The following IGSF10 variants were observed in gnomAD, a reference collection of about 807,000 sequenced individuals.
The protein encoded by IGSF10 is calvaria mechanical force protein 608.
In IGSF10, 126 loss-of-function variants were observed where a neutral mutation model predicts 128.2. That is an observed-to-expected ratio of 0.98 (90% CI 0.85 to 1.14). The LOEUF (loss-of-function observed/expected upper bound fraction) is 1.14. Among genes scored for constraint, IGSF10 ranks in the 50% most tolerant of loss-of-function variants. IGSF10 has a pLI of 0.00. For synonymous variants in IGSF10, 1,185 were observed against 1,146.2 expected, an observed-to-expected ratio of 1.03 and a Z score of -0.68; for missense variants, 3,295 against 3,149.8, an observed-to-expected ratio of 1.05 and a Z score of -1.10.
chr3:151,613,741 A>G, the IGSF10 span, among the ~76,000 whole-genome samples: 1 of 152,004 alleles, frequency 6.6e-6, no homozygotes, highest in South Asian at 2.1e-4. Context: ...AACTTAGGCA[A>G]TACCATTCAG....
chr3:151,614,725 G>A, the IGSF10 span, among the ~76,000 whole-genome samples: 37 of 152,056 alleles, frequency 2.4e-4, 1 homozygote, highest in Admixed American at 2.4e-3. Context: ...AATGCTAAAT[G>A]ACAAGTTAAT....
In IGSF10 at chr3:151,446,159, C is replaced by T. The variant is rs200804011; in HGVS notation, c.3822G>A (p.Thr1274=). 25 of 1,613,922 alleles carry T rather than the reference C, an allele frequency of 1.5e-5. No homozygotes were observed. In the South Asian group the frequency reaches 2.0e-4, roughly 13 times the overall value. Residue 1274 remains threonine (T), a synonymous_variant, in exon 6 of 8, where the codon ACG becomes ACA. Transcript: ENST00000282466. ...GACTTCCAGGATTGTGTGTTTTGGT[C>T]GTAGTGTGGTGAGCGGTAGTCAAGG... ...SNTLTTAHHT[T]TKTHNPGSLP...
the IGSF10 span, among the ~76,000 whole-genome samples, chr3:151,569,947 T>C: frequency 6.7e-6 from 1 of 148,432 alleles, no homozygotes; most frequent in Non-Finnish European, 1.5e-5. Flanking sequence ...AGTGTTCTCA[T>C]TGTTCAATTC....
chr3:151,532,223 C>T, the IGSF10 span, among the ~76,000 whole-genome samples: 9 of 147,170 alleles, frequency 6.1e-5, no homozygotes, highest in Middle Eastern at 3.5e-3. Flanking sequence ...CAAGGCCAGA[C>T]GGATTCACAG....
At chr3:151,582,007 A>G in the IGSF10 span, among the ~76,000 whole-genome samples, 1 of 152,154 alleles carries the variant, frequency 6.6e-6, no homozygotes. Flanking sequence ...CAGAGGTTGC[A>G]GTGTGCCTAC....
the IGSF10 span, among the ~76,000 whole-genome samples, chr3:151,491,582 GACAA>G: frequency 1.2e-4 from 19 of 152,080 alleles, no homozygotes; most frequent in Non-Finnish European, 2.5e-4. Context: ...AGTTACAATA[GACAA>G]ACAAACAAAC....
the IGSF10 span, among the ~76,000 whole-genome samples, chr3:151,617,320 C>CTTCTTCTTCTCCT: frequency 3.6e-3 from 302 of 83,626 alleles, 26 homozygotes; most frequent in Admixed American, 0.027. Flanking sequence ...CTTCTTCTTC[C>CTTCTTCTTCTCCT]CCTCCTCCTC....
At chr3:151,467,203 C>A in the IGSF10 span, among the ~76,000 whole-genome samples, 1 of 152,146 alleles carries the variant, frequency 6.6e-6, no homozygotes, top group Non-Finnish European at 1.5e-5. Context: ...CCATTTCTGC[C>A]TATATACTGA....
the IGSF10 span, among the ~76,000 whole-genome samples, chr3:151,535,087 A>C: frequency 6.6e-6 from 1 of 152,188 alleles, no homozygotes; most frequent in Non-Finnish European, 1.5e-5. Context: ...CTATCTCTAA[A>C]GGTTTTTGAG....
Position 151,442,016 on chromosome 3 carries a change from C to G in IGSF10, c.5963+968G>C, listed in dbSNP as rs575093276. On this transcript the variant is annotated intron_variant, in intron 7 of 7. Coordinates refer to ENST00000282466, the MANE Select transcript of IGSF10 (RefSeq NM_178822.5). Reference sequence around the variant, plus strand: ...GCGGAGCTTGCAGTGAGCAGAGATCCTGCCACTGCACTCCAGCCTGGGCGA... The same window carrying G: ...GCGGAGCTTGCAGTGAGCAGAGATCGTGCCACTGCACTCCAGCCTGGGCGA... 3.3e-5 allele frequency among the ~76,000 whole-genome samples: 5 copies of G among 152,286 alleles called. No individual in the cohort carries two copies. The South Asian group carries it at 8.3e-4, about 25-fold the overall frequency.
intron 7 of IGSF10, among the ~76,000 whole-genome samples, chr3:151,441,552 G>C (rs1447087988): frequency 6.6e-6 from 1 of 152,050 alleles, no homozygotes; most frequent in Non-Finnish European, 1.5e-5. Flanking sequence ...CAACTCCTAA[G>C]CATGAGTACA....
the IGSF10 span, among the ~76,000 whole-genome samples, chr3:151,519,747 G>T: frequency 1.1e-3 from 164 of 151,896 alleles, no homozygotes; most frequent in Non-Finnish European, 2.0e-3. Context: ...GACTAGTTTT[G>T]ATTGCTACTG....
chr3:151,509,199 A>C, the IGSF10 span, among the ~76,000 whole-genome samples: 1,055 of 152,336 alleles, frequency 6.9e-3, 30 homozygotes, highest in East Asian at 0.063. Context: ...TGACAGGTTT[A>C]TTAAACTGCT....
At chr3:151,563,980 C>T in the IGSF10 span, among the ~76,000 whole-genome samples, 1 of 152,222 alleles carries the variant, frequency 6.6e-6, no homozygotes, top group African/African-American at 2.4e-5. Context: ...GGTATTCACC[C>T]AGCAAGAGGC....
the IGSF10 span, among the ~76,000 whole-genome samples, chr3:151,530,402 C>A: frequency 1.3e-5 from 2 of 152,126 alleles, no homozygotes; most frequent in African/African-American, 4.8e-5. Context: ...AACCCCAAGA[C>A]ACATAATCAT....
chr3:151,530,426 G>A, the IGSF10 span, among the ~76,000 whole-genome samples: 1 of 152,006 alleles, frequency 6.6e-6, no homozygotes, highest in Non-Finnish European at 1.5e-5. Context: ...ATTCACCAAG[G>A]TTGAAATGAA....
the IGSF10 span, among the ~76,000 whole-genome samples, chr3:151,542,321 T>C: frequency 6.6e-6 from 1 of 152,178 alleles, no homozygotes; most frequent in African/African-American, 2.4e-5. Context: ...TACTGTATTT[T>C]CTCACTATAA....
At chr3:151,505,788 A>G in the IGSF10 span, among the ~76,000 whole-genome samples, 38 of 152,210 alleles carry the variant, frequency 2.5e-4, no homozygotes, top group African/African-American at 9.2e-4. Flanking sequence ...AGACTTTATA[A>G]AAGGCAAATA....
intron 7 of IGSF10, among the ~76,000 whole-genome samples, chr3:151,439,394 C>G (rs1160110630): frequency 6.6e-6 from 1 of 152,232 alleles, no homozygotes. Context: ...GGGCAGATCA[C>G]TTGAGGGCAG....
Sources: gnomAD v4.1 joint callset for allele counts (sites outside exome capture counted in the v4.1 genomes callset) on GRCh38, gnomAD v4.1.1 for gene constraint, MANE v1.5 for transcripts, NCBI Gene and HGNC (gene_info 2026-07-23, HGNC 2026-07-21) for gene names.